ETHE1: variants seen among roughly 807,000 people sequenced by gnomAD.
ETHE1 encodes ETHE1 persulfide dioxygenase.
In ETHE1, 16 loss-of-function variants were observed where a neutral mutation model predicts 25.7. The observed-to-expected ratio is 0.62, with a 90% CI of 0.42 to 0.95. The LOEUF (loss-of-function observed/expected upper bound fraction) is 0.95, where lower values mean the gene tolerates loss of function less well. Among genes scored for constraint, ETHE1 ranks in the 40% least tolerant of loss-of-function variants. The pLI is 0.00. For missense variants in ETHE1, 300 were observed against 333.6 expected (o/e 0.90, Z 0.79); for synonymous variants, 139 against 135.9 (o/e 1.02, Z -0.16).
chr19:43,514,138 C>T (rs540577092), intron 3 of ETHE1, among the ~76,000 whole-genome samples: 12 of 152,032 alleles, frequency 7.9e-5, no homozygotes, highest in African/African-American at 1.2e-4. Context: ...GATTTGGGAG[C>T]GACCAAAGTG....
chr19:43,511,585 TAC>T lies in ETHE1; in HGVS notation c.376-21_376-20del, dbSNP rs1453099851. 6.2e-7 allele frequency: 1 copy of T among 1,610,142 alleles called. No homozygotes were observed. Among genetic ancestry groups the T allele is most frequent in the Non-Finnish European group, 8.5e-7 (1 of 1,179,528 alleles). On this transcript the variant is annotated intron_variant, in intron 3 of 6. Coordinates refer to ENST00000292147, the MANE Select transcript of ETHE1 (RefSeq NM_014297.5). ...CCAACGCCTGGCAGGGGTGGAAGAGTACAGAGATAGTCACCAAGAAGCCTTCT... is the reference window on the plus strand; with the variant it reads ...CCAACGCCTGGCAGGGGTGGAAGAGTAGAGATAGTCACCAAGAAGCCTTCT...
chr19:43,527,052 C>G (rs977761954), intron 1 of ETHE1, 45 bp downstream of exon 1: 1 of 1,543,908 alleles, frequency 6.5e-7, no homozygotes, highest in East Asian at 2.4e-5. Flanking sequence ...GTCCTTGCTG[C>G]CGCCTAGTGC....
In ETHE1 at chr19:43,526,625, A is replaced by G; in HGVS notation, c.116T>C (p.Leu39Pro). 6.2e-7 allele frequency: 1 copy of G among 1,614,076 alleles called. No homozygotes were observed. The highest frequency in any genetic ancestry group is 2.2e-5 in the East Asian group (1 of 44,882). Residue 39 changes from leucine to proline, a missense_variant, in exon 2 of 7, where the codon CTG becomes CCG. Transcript: ENST00000292147. Reference protein sequence around the residue: ...FEPVSCTFTYLLGDRESREAV... With the variant: ...FEPVSCTFTYPLGDRESREAV... ...CTCCCGGGACTCTCTGTCACCCAGC[A>G]GGTACGTGAAGGTGCAGCTCACAGG...
At chr19:43,526,715 C>A in intron 1 of ETHE1, 56 bp from the exon 2 acceptor site, 1 of 1,611,116 alleles carries the variant, frequency 6.2e-7, no homozygotes, top group Non-Finnish European at 8.5e-7. Context: ...CCACTGGAGG[C>A]CAAGTAGTCC....
At chr19:43,526,766 C>A (rs1357688945) in intron 1 of ETHE1, 107 bp from the exon 2 acceptor site, 1 of 1,568,520 alleles carries the variant, frequency 6.4e-7, no homozygotes, top group Non-Finnish European at 8.6e-7. Context: ...GAAGCAGAAA[C>A]CCCAGCCCAC....
At chr19:43,516,003 G>A (rs963399862) in intron 3 of ETHE1, among the ~76,000 whole-genome samples, 4 of 152,178 alleles carry the variant, frequency 2.6e-5, no homozygotes, top group African/African-American at 9.7e-5. Flanking sequence ...GGGATGGTGT[G>A]AGATTTTATC....
chr19:43,517,733 G>C (rs377214913), intron 3 of ETHE1, among the ~76,000 whole-genome samples: 2 of 150,636 alleles, frequency 1.3e-5, no homozygotes, highest in African/African-American at 2.5e-5. Flanking sequence ...CTGAGATCAC[G>C]CCACTGCACT....
At chr19:43,509,643 A>C (rs1439945823) in intron 4 of ETHE1, among the ~76,000 whole-genome samples, 1 of 151,406 alleles carries the variant, frequency 6.6e-6, no homozygotes, top group Non-Finnish European at 1.5e-5. Flanking sequence ...AAAATACAAA[A>C]AAATTAGCCT....
chr19:43,506,929 C>G, intron 6 of ETHE1, 27 bp from the exon 7 acceptor site: 1 of 1,613,310 alleles, frequency 6.2e-7, no homozygotes, highest in Non-Finnish European at 8.5e-7. Context: ...AAGGTTAAAA[C>G]TAAGGGGCCT....
chr19:43,511,001 G>A (rs987646664), intron 4 of ETHE1, among the ~76,000 whole-genome samples: 22 of 152,062 alleles, frequency 1.4e-4, no homozygotes, highest in African/African-American at 3.9e-4. Context: ...CTGCACATGC[G>A]AGGGATCTAG....
At chr19:43,514,246 T>C (rs923115440) in intron 3 of ETHE1, among the ~76,000 whole-genome samples, 8 of 152,176 alleles carry the variant, frequency 5.3e-5, no homozygotes, top group East Asian at 3.9e-4. Context: ...TGGGAGGTAA[T>C]TGAATCATGG....
chr19:43,509,496 CA>C, intron 4 of ETHE1, among the ~76,000 whole-genome samples: 1 of 83,994 alleles, frequency 1.2e-5, no homozygotes, highest in East Asian at 4.1e-4. Flanking sequence ...GGCTCTGTCT[CA>C]AGAAAAAAAA....
intron 4 of ETHE1, among the ~76,000 whole-genome samples, chr19:43,509,580 A>G (rs536048518): frequency 1.3e-5 from 2 of 151,714 alleles, no homozygotes; most frequent in South Asian, 2.1e-4. Flanking sequence ...TGAATCACAA[A>G]GTCAGGAGAT....
rs1281718222 is a variant in ETHE1, at chr19:43,519,265, G to A, written c.375+6936C>T. Among the ~76,000 whole-genome samples, 4 of 152,120 alleles carry A rather than the reference G, an allele frequency of 2.6e-5. No individual in the cohort carries two copies. The South Asian group carries it at 8.3e-4, about 32-fold the overall frequency. ...GACCTCGGGTGATCCGCACACCTCG[G>A]CTTCCCAAAGTGCCAGGATTACAGG... On this transcript the variant is annotated intron_variant, in intron 3 of 6. Coordinates refer to ENST00000292147, the MANE Select transcript of ETHE1 (RefSeq NM_014297.5).
intron 4 of ETHE1, among the ~76,000 whole-genome samples, chr19:43,509,863 A>G (rs1255904081): frequency 6.6e-6 from 1 of 152,184 alleles, no homozygotes; most frequent in African/African-American, 2.4e-5. Flanking sequence ...GGAGAGTGTG[A>G]AGCCATGGTC....
At chr19:43,521,424 C>A (rs558166752) in intron 3 of ETHE1, among the ~76,000 whole-genome samples, 1 of 152,272 alleles carries the variant, frequency 6.6e-6, no homozygotes, top group South Asian at 2.1e-4. Flanking sequence ...CTGCCCTACA[C>A]CCCTGCTGTC....
At chr19:43,509,015 G>C (rs1971852247) in intron 4 of ETHE1, 151 bp from the exon 5 acceptor site, 1 of 714,458 alleles carries the variant, frequency 1.4e-6, no homozygotes, top group African/African-American at 1.7e-5. Context: ...AGAGAACAGG[G>C]AAAGGCATTC....
chr19:43,519,011 T>TGTTTTTG (rs1972085797), intron 3 of ETHE1, among the ~76,000 whole-genome samples: 1 of 99,338 alleles, frequency 1.0e-5, no homozygotes, highest in African/African-American at 4.3e-5. Context: ...TTTTTTTTTT[T>TGTTTTTG]TTTTTTTTTT....
At chr19:43,517,137 T>C (rs971676972) in intron 3 of ETHE1, among the ~76,000 whole-genome samples, 5 of 145,452 alleles carry the variant, frequency 3.4e-5, no homozygotes, top group Admixed American at 2.8e-4. Context: ...AGTGATACAC[T>C]TTCAATAGAA....
Sources: allele counts gnomAD v4.1 joint callset (sites outside exome capture counted in the v4.1 genomes callset), GRCh38; gene constraint gnomAD v4.1.1; transcripts MANE v1.5; gene names NCBI Gene and HGNC (gene_info 2026-07-23, HGNC 2026-07-21).